PLEKHG3: variants seen among roughly 807,000 people sequenced by gnomAD.
PLEKHG3 encodes pleckstrin homology domain-containing family G member 3.
PLEKHG3 carries 62 observed loss-of-function variants against 94.9 expected under a neutral mutation model. That is an observed-to-expected ratio of 0.65 (90% CI 0.53 to 0.81). The LOEUF is 0.81. PLEKHG3 is among the 30% of genes least tolerant of loss of function. The pLI is 0.00. For missense variants in PLEKHG3, 1,461 were observed against 1,619.3 expected, an observed-to-expected ratio of 0.90 and a Z score of 1.68; for synonymous variants, 614 against 654.0, an observed-to-expected ratio of 0.94 and a Z score of 0.93.
Position 64,742,061 on chromosome 14 carries a change from C to T in PLEKHG3, c.2544C>T (p.Ile848=). 6.2e-7 allele frequency: 1 copy of T among 1,606,286 alleles called. No individual in the cohort carries two copies. Among genetic ancestry groups the T allele is most frequent in the Non-Finnish European group, 8.5e-7 (1 of 1,176,166 alleles). The change falls in exon 16 of 17, where the codon ATC becomes ATT. Residue 848 remains isoleucine, a synonymous_variant. Coordinates refer to ENST00000247226, the MANE Select transcript of PLEKHG3 (RefSeq NM_001308147.2). ...TTGACCTGCATGAGCCACTCTTCATCCTGGAGGAGCATGAGCTGGGAGCCA... is the reference window on the plus strand; with the variant it reads ...TTGACCTGCATGAGCCACTCTTCATTCTGGAGGAGCATGAGCTGGGAGCCA... ...NGFDLHEPLF[I]LEEHELGAIT... is the part of the protein sequence containing the mutation.
Position 64,738,103 on chromosome 14 carries a change from A to AG in PLEKHG3, c.1405-637dup. ...CCCCCAGGCTCAGAGGAGGAGGAGG[A>AG]GGAGCAGGAGGAGAGCCTGGCGGTG... On this transcript the variant is annotated intron_variant, in intron 14 of 16. Transcript: ENST00000247226. This position sits in a 1 kb window ranked among gnomAD's most constrained non-coding sequence, Gnocchi z 4.8. 1.5e-6 allele frequency: 2 copies of AG among 1,303,252 alleles called. No individual in the cohort carries two copies. The highest frequency in any genetic ancestry group is 2.0e-6 in the Non-Finnish European group (2 of 996,666). 80.7% of individuals were successfully genotyped at this position (1,303,252 alleles called of 1,614,324 possible). A position where few individuals can be genotyped will look rare whatever the true frequency, so the allele number is the denominator to read the frequency against.
Position 64,731,538 on chromosome 14 carries a change from A to T in PLEKHG3, c.1027A>T (p.Ile343Phe). 1 of 1,613,844 alleles carries T rather than the reference A, an allele frequency of 6.2e-7. No individual in the cohort carries two copies. The highest frequency in any genetic ancestry group is 8.5e-7 in the Non-Finnish European group (1 of 1,179,848). Reference protein sequence around the residue: ...RGDHFVYKGNIPCSSLMLIES... With the variant: ...RGDHFVYKGNFPCSSLMLIES... ...CGATCACTTTGTCTACAAGGGCAACATCCCGGTAACCAGGCCCTGCCCCAT... is the reference window on the plus strand; with the variant it reads ...CGATCACTTTGTCTACAAGGGCAACTTCCCGGTAACCAGGCCCTGCCCCAT... Residue 343 changes from isoleucine (I) to phenylalanine (F), a missense_variant, in exon 8 of 17, where the codon ATC becomes TTC. Transcript: ENST00000247226. This position sits in a 1 kb window ranked among gnomAD's most constrained non-coding sequence, Gnocchi z 6.1.
chr14:64,737,325 G>A, intron 13 of PLEKHG3, 31 bp from the exon 14 acceptor site: 1 of 1,599,050 alleles, frequency 6.3e-7, no homozygotes, highest in Non-Finnish European at 8.5e-7. Context: ...CCTCGCCCGT[G>A]TGCTGGGGGA....
Position 64,741,612 on chromosome 14 carries a change from C to A in PLEKHG3, c.2095C>A (p.Arg699=). The stretch of plus-strand genomic sequence containing the variant: ...CCCAGGCTGCCCAGTGGAGCCTGAC[C>A]GGTCTTCCTGCAAGAAGAAGGAATC... ...PSPGCPVEPD[R]SSCKKKESAL... The change falls in exon 16 of 17, where the codon CGG becomes AGG. Residue 699 remains arginine (R), a synonymous_variant. Transcript: ENST00000247226. The A allele has an allele frequency of 6.2e-7, 1 of 1,612,918 alleles. No individual in the cohort carries two copies. The highest frequency in any genetic ancestry group is 8.5e-7 in the Non-Finnish European group (1 of 1,180,028).
chr14:64,740,190 G>A (rs963436715), intron 15 of PLEKHG3, among the ~76,000 whole-genome samples: 23 of 152,300 alleles, frequency 1.5e-4, no homozygotes, highest in African/African-American at 5.5e-4. Context: ...AGTGGCTGGT[G>A]GCTCCCATGT....
chr14:64,730,410 C>T lies in PLEKHG3; in HGVS notation c.519+98C>T. 2.3e-6 allele frequency: 2 copies of T among 866,306 alleles called. No individual in the cohort carries two copies. Among genetic ancestry groups the T allele is most frequent in the African/African-American group, 1.7e-5 (1 of 60,232 alleles). The allele number at this position is 866,306 out of a possible 1,614,324, so 53.7% of individuals were successfully genotyped here. A position where few individuals can be genotyped will look rare whatever the true frequency, so the allele number is the denominator to read the frequency against. ...GAGGACATCTGAGTCCTGGGGATTC[C>T]TTTCCAGGGAAAGTCCTGGGTGCTC... On this transcript the variant is annotated intron_variant, in intron 4 of 16. Transcript: ENST00000247226. This position sits in a 1 kb window ranked among gnomAD's most constrained non-coding sequence, Gnocchi z 5.4.
Position 64,728,065 on chromosome 14 carries a change from C to G in PLEKHG3, c.351+83C>G. 1 of 884,488 alleles carries G rather than the reference C, an allele frequency of 1.1e-6. No individual in the cohort carries two copies. The highest frequency in any genetic ancestry group is 1.7e-6 in the Non-Finnish European group (1 of 597,372). The allele number at this position is 884,488 out of a possible 1,614,324, so 54.8% of individuals were successfully genotyped here. ...AGGGAAGCTCTCAAAAGACCTGCTTCCCATAAAGTAGTTGGAGAACTGGGG... is the reference window on the plus strand; with the variant it reads ...AGGGAAGCTCTCAAAAGACCTGCTTGCCATAAAGTAGTTGGAGAACTGGGG... On this transcript the variant is annotated intron_variant, in intron 2 of 16. Transcript: ENST00000247226. The surrounding 1 kb of genome is among the most constrained non-coding windows in gnomAD (Gnocchi z 5.9).
rs1360134017 is a variant in PLEKHG3 at position 64,730,249 on chromosome 14, C to A, written c.456C>A (p.Leu152=). Residue 152 remains leucine, a synonymous_variant, in exon 4 of 17, where the codon CTC becomes CTA. Coordinates refer to ENST00000247226, the MANE Select transcript of PLEKHG3 (RefSeq NM_001308147.2). This position sits in a 1 kb window ranked among gnomAD's most constrained non-coding sequence, Gnocchi z 5.4. The part of the protein sequence containing the change: ...IENIYALNSQ[L]LRDLDSCNSD... ...CTGCTCTCCCCTCACCCAGCCAGCT[C>A]CTCAGAGACCTGGACAGCTGCAATA... The A allele has an allele frequency of 3.9e-6, 6 of 1,532,026 alleles. No individual in the cohort carries two copies. The South Asian group carries it at 7.1e-5, about 18-fold the overall frequency. 94.9% of individuals were successfully genotyped at this position (1,532,026 alleles called of 1,614,324 possible).
chr14:64,747,217 C>T lies in PLEKHG3; in HGVS notation c.*3514C>T, dbSNP rs2081860520. The T allele has an allele frequency of 1.3e-5, 2 of 152,494 alleles. No homozygotes were observed. The highest frequency in any genetic ancestry group is 4.1e-4 in the South Asian group (2 of 4,834). 9.4% of individuals were successfully genotyped at this position (152,494 alleles called of 1,614,324 possible). A position where few individuals can be genotyped will look rare whatever the true frequency, so the allele number is the denominator to read the frequency against. On this transcript the variant is annotated 3_prime_UTR_variant, in exon 17 of 17. Coordinates refer to ENST00000247226, the MANE Select transcript of PLEKHG3 (RefSeq NM_001308147.2). ...ACACGTGGAAGGGGGAGGGTGGGCC[C>T]TTGTCCCTAGGCTCCCTAAAGACTG...
chr14:64,711,314 A>G (rs2081062996), intron 1 of PLEKHG3, among the ~76,000 whole-genome samples: 1 of 152,218 alleles, frequency 6.6e-6, no homozygotes, highest in Non-Finnish European at 1.5e-5. Flanking sequence ...ACTGTGTTAC[A>G]GTAGAGCCTG....
chr14:64,749,543 G>C lies in PLEKHG3; in HGVS notation c.*5840G>C. The C allele has an allele frequency of 6.2e-7, 1 of 1,601,490 alleles. No individual in the cohort carries two copies. Among genetic ancestry groups the C allele is most frequent in the Non-Finnish European group, 8.5e-7 (1 of 1,178,266 alleles). On this transcript the variant is annotated 3_prime_UTR_variant, in exon 17 of 17. Coordinates refer to ENST00000247226, the MANE Select transcript of PLEKHG3 (RefSeq NM_001308147.2). This position sits in a 1 kb window ranked among gnomAD's most constrained non-coding sequence, Gnocchi z 4.7. ...CCCACCTCCCGGGCCAGGCAACAATGGTGGGGGCTCTTGGGACTGCCCCTT... is the reference window on the plus strand; with the variant it reads ...CCCACCTCCCGGGCCAGGCAACAATCGTGGGGGCTCTTGGGACTGCCCCTT...
At chr14:64,737,606 G>A (rs2081597064) in intron 14 of PLEKHG3, among the ~76,000 whole-genome samples, 1 of 152,230 alleles carries the variant, frequency 6.6e-6, no homozygotes, top group South Asian at 2.1e-4. Context: ...CTGGGGGCCT[G>A]CCCAGTGTGG....
At position 64,730,250 on chromosome 14, in the gene PLEKHG3, C is replaced by T; in HGVS notation, c.457C>T (p.Leu153Phe). The change falls in exon 4 of 17, where the codon CTC becomes TTC. Residue 153 changes from leucine to phenylalanine, a missense_variant. By Grantham distance (22) the Leu-to-Phe change is conservative (BLOSUM62 0). Around this residue, in one of 3 missense-constraint regions of PLEKHG3, gnomAD observed 253 missense variants for 297.8 expected, o/e 0.85. Transcript: ENST00000247226. This position sits in a 1 kb window ranked among gnomAD's most constrained non-coding sequence, Gnocchi z 5.4. The part of the protein sequence containing the change: ...ENIYALNSQL[L>F]RDLDSCNSDP... ...TGCTCTCCCCTCACCCAGCCAGCTC[C>T]TCAGAGACCTGGACAGCTGCAATAG... 6.5e-7 allele frequency: 1 copy of T among 1,531,926 alleles called. No individual in the cohort carries two copies. Among genetic ancestry groups the T allele is most frequent in the South Asian group, 1.2e-5 (1 of 83,992 alleles). The allele number at this position is 1,531,926 out of a possible 1,614,324, so 94.9% of individuals were successfully genotyped here.
rs1444979323 is a variant in PLEKHG3 at position 64,716,013 on chromosome 14, G to C, written c.-40+11309G>C. ...CCCCAAGCCTGTTAACTGCTAGGTT[G>C]CCGGTGCTGGGGACAATGCGGCTGC... On this transcript the variant is annotated intron_variant, in intron 1 of 16. Transcript: ENST00000247226. The surrounding 1 kb of genome is among the most constrained non-coding windows in gnomAD (Gnocchi z 5.0). 1 of 455,952 alleles carries C rather than the reference G, an allele frequency of 2.2e-6. No homozygotes were observed. Among genetic ancestry groups the C allele is most frequent in the Non-Finnish European group, 4.4e-6 (1 of 226,802 alleles). The allele number at this position is 455,952 out of a possible 1,614,324, so 28.2% of individuals were successfully genotyped here.
intron 1 of PLEKHG3, among the ~76,000 whole-genome samples, chr14:64,709,729 C>CTGTATGTGTG (rs3223419): frequency 2.8e-5 from 4 of 144,110 alleles, no homozygotes; most frequent in African/African-American, 1.0e-4. Flanking sequence ...GGCTGTGAGA[C>CTGTATGTGTG]TGTGTGTGTG....
rs1329350004 is a variant in PLEKHG3 at position 64,716,469 on chromosome 14, AC to A, written c.-39-11123del. Among the ~76,000 whole-genome samples, 15 of 125,084 alleles carry A rather than the reference AC, an allele frequency of 1.2e-4. No individual in the cohort carries two copies. The highest frequency in any genetic ancestry group is 7.6e-4 in the South Asian group (3 of 3,960). The allele number at this position is 125,084 out of a possible 152,430, so 82.1% of individuals were successfully genotyped here. The stretch of plus-strand genomic sequence containing the variant: ...ACACACACACACACACACACACAAC[AC>A]ACACACACACAACACACACACACAC... On this transcript the variant is annotated intron_variant, in intron 1 of 16. Coordinates refer to ENST00000247226, the MANE Select transcript of PLEKHG3 (RefSeq NM_001308147.2). This position sits in a 1 kb window ranked among gnomAD's most constrained non-coding sequence, Gnocchi z 5.0.
rs1406099913 is a variant in PLEKHG3, at chr14:64,730,638, T to C, written c.520-4T>C. On this transcript the variant is annotated splice_polypyrimidine_tract_variant and splice_region_variant and intron_variant, in intron 4 of 16. Transcript: ENST00000247226. The surrounding 1 kb of genome is among the most constrained non-coding windows in gnomAD (Gnocchi z 5.4). Reference sequence around the variant, plus strand: ...TGAAATCACTATTTTTGATCTCTTCTTAGAGCCAAGAGTTTGATATCTACA... The same window carrying C: ...TGAAATCACTATTTTTGATCTCTTCCTAGAGCCAAGAGTTTGATATCTACA... 1 of 1,610,484 alleles carries C rather than the reference T, an allele frequency of 6.2e-7. No individual in the cohort carries two copies. Among genetic ancestry groups the C allele is most frequent in the South Asian group, 1.1e-5 (1 of 91,022 alleles).
chr14:64,711,092 CCACT>C (rs1489952021), intron 1 of PLEKHG3, among the ~76,000 whole-genome samples: 2 of 152,042 alleles, frequency 1.3e-5, no homozygotes, highest in African/African-American at 4.8e-5. Flanking sequence ...GGTGGTTTAC[CCACT>C]TCACCCACCC....
In PLEKHG3 at chr14:64,748,230, CCAT is replaced by C. The variant is rs2081879057; in HGVS notation, c.*4528_*4530del. Reference sequence around the variant, plus strand: ...ATGATCAACTTTACTGTCTGCCCAGCCATTACCCTCCAAAGTCCCAGCTGCAGA... The same window carrying C: ...ATGATCAACTTTACTGTCTGCCCAGCTACCCTCCAAAGTCCCAGCTGCAGA... On this transcript the variant is annotated 3_prime_UTR_variant, in exon 17 of 17. Transcript: ENST00000247226. The C allele has an allele frequency of 6.7e-6, 1 of 149,732 alleles. No homozygotes were observed. The highest frequency in any genetic ancestry group is 1.5e-5 in the Non-Finnish European group (1 of 68,006). 9.3% of individuals were successfully genotyped at this position (149,732 alleles called of 1,614,324 possible).
Sources: gnomAD v4.1 joint callset for allele counts (sites outside exome capture counted in the v4.1 genomes callset) on GRCh38, gnomAD v4.1.1 for gene constraint, gnomAD v4.1.1 regional missense constraint, Gnocchi (gnomAD v3.1) non-coding constraint, MANE v1.5 for transcripts, NCBI Gene and HGNC (gene_info 2026-07-23, HGNC 2026-07-21) for gene names.